Variants in FAM186A observed in about 807,000 individuals in gnomAD.
The protein encoded by FAM186A is protein FAM186A.
Under a neutral mutation model 216.8 loss-of-function variants are expected in FAM186A, and 163 were observed. That is an observed-to-expected ratio of 0.75 (90% confidence interval 0.66 to 0.86). The LOEUF is 0.86. Among genes scored for constraint, FAM186A ranks in the 40% least tolerant of loss-of-function variants. The probability of loss-of-function intolerance (pLI) is 0.00; values close to 1 mark genes in which losing one functional copy is unlikely to be tolerated. For synonymous variants in FAM186A, 805 were observed against 1,025.3 expected (o/e 0.79, Z 4.10); for missense variants, 2,184 against 2,746.2 (o/e 0.80, Z 4.58).
chr12:50,394,591 A>G (rs1943394518), intron 1 of FAM186A, among the ~76,000 whole-genome samples: 1 of 151,570 alleles, frequency 6.6e-6, no homozygotes, highest in African/African-American at 2.4e-5. Context: ...CTATCTACCT[A>G]TCTACCTATA....
In FAM186A at chr12:50,354,600, T is replaced by C; in HGVS notation, c.2232A>G (p.Gln744=). ...TTTGTTTTATAGGTTTCTCTCCAACTTGTTCTTCCTTTTTTGTATCTTTGT... is the reference window on the plus strand; with the variant it reads ...TTTGTTTTATAGGTTTCTCTCCAACCTGTTCTTCCTTTTTTGTATCTTTGT... The part of the protein sequence containing the change: ...RKYKDTKKEE[Q]VGEKPIKQKK... Residue 744 remains glutamine, a synonymous_variant, in exon 4 of 8, where the codon CAA becomes CAG. Transcript: ENST00000327337. 6.5e-7 allele frequency: 1 copy of C among 1,548,482 alleles called. No homozygotes were observed. Among genetic ancestry groups the C allele is most frequent in the Non-Finnish European group, 8.7e-7 (1 of 1,146,308 alleles).
intron 4 of FAM186A, among the ~76,000 whole-genome samples, chr12:50,346,237 A>AAAAGAAAGAAAGAAAGAAAGAAAG (rs1555215380): frequency 4.9e-5 from 5 of 102,174 alleles, no homozygotes; most frequent in Admixed American, 2.5e-4. Flanking sequence ...AAGAAAGAAA[A>AAAAGAAAGAAAGAAAGAAAGAAAG]AAAGAAAGAA....
Position 50,353,662 on chromosome 12 carries a change from G to C in FAM186A, c.3170C>G (p.Ser1057Cys), listed in dbSNP as rs866924370. Residue 1057 changes from serine (S) to cysteine (C), a missense_variant, in exon 4 of 8, where the codon TCC (serine) becomes TGC (cysteine). Physicochemically the swap from Ser to Cys is moderately radical, Grantham distance 112 (BLOSUM62 -1). This residue lies in a region of FAM186A where 1,132 missense variants were observed against 1,263.4 expected (regional missense o/e 0.90). Transcript: ENST00000327337. ...AGAAATAGGAAGAGCTCCAGGCAGG[G>C]AGTATTGTAGGGAGGGGGGAGGTGT... ...SITPPPSLQY[S>C]LPGALPISGQ... is the part of the protein sequence containing the mutation. 1 of 1,537,106 alleles carries C rather than the reference G, an allele frequency of 6.5e-7. No individual in the cohort carries two copies. Among genetic ancestry groups the C allele is most frequent in the East Asian group, 2.4e-5 (1 of 40,884 alleles).
chr12:50,376,571 T>C (rs1458817092), intron 1 of FAM186A, among the ~76,000 whole-genome samples: 1 of 152,048 alleles, frequency 6.6e-6, no homozygotes, highest in Non-Finnish European at 1.5e-5. Context: ...GGGGTTTTTA[T>C]GGGCTCAAAA....
chr12:50,350,871 C>A lies in FAM186A; in HGVS notation c.5961G>T (p.Lys1987Asn), dbSNP rs1404419346. The A allele has an allele frequency of 6.4e-7, 1 of 1,551,558 alleles. No individual in the cohort carries two copies. The highest frequency in any genetic ancestry group is 8.7e-7 in the Non-Finnish European group (1 of 1,146,994). ...KVAQVPFTTK[K>N]FQMSEVSDTS... ...TGTCAGAGACCTCCGACATTTGGAA[C>A]TTCTTAGTGGTGAAAGGAACTTGAG... Residue 1987 changes from lysine (K) to asparagine (N), a missense_variant, in exon 4 of 8, where the codon AAG (lysine) becomes AAT (asparagine). Lys to Asn is a moderately conservative substitution (Grantham distance 94). This residue lies in a region of FAM186A where 721 missense variants were observed against 816.4 expected (regional missense o/e 0.88). Coordinates refer to ENST00000327337, the MANE Select transcript of FAM186A (RefSeq NM_001145475.3).
intron 2 of FAM186A, 35 bp downstream of exon 2, chr12:50,363,110 T>A: frequency 6.8e-7 from 1 of 1,468,294 alleles, no homozygotes; most frequent in Non-Finnish European, 9.1e-7. Flanking sequence ...TCATTAACTT[T>A]ATGGTTTTCC....
At position 50,353,124 on chromosome 12, in the gene FAM186A, G is replaced by T; in HGVS notation, c.3708C>A (p.Ala1236=). The change falls in exon 4 of 8, where the codon GCC becomes GCA. Residue 1236 remains alanine, a synonymous_variant. Coordinates refer to ENST00000327337, the MANE Select transcript of FAM186A (RefSeq NM_001145475.3). ...ALGITLTLQQ[A]QQLGIPLTPQ... is the part of the protein sequence containing the mutation. ...GGGTGAGAGGGATCCCCAATTGCTG[G>T]GCCTGCTGAAGGGTTAGAGTGATCC... The T allele has an allele frequency of 4.1e-6, 6 of 1,479,392 alleles. No homozygotes were observed. The highest frequency in any genetic ancestry group is 5.4e-6 in the Non-Finnish European group (6 of 1,108,564). 91.6% of individuals were successfully genotyped at this position (1,479,392 alleles called of 1,614,324 possible).
Position 50,360,784 on chromosome 12 carries a change from G to T in FAM186A, c.555C>A (p.Asp185Glu), listed in dbSNP as rs540419082. 3.0e-5 allele frequency: 46 copies of T among 1,536,636 alleles called. No individual in the cohort carries two copies. In the African/African-American group the frequency reaches 5.3e-4, roughly 18 times the overall value. The stretch of plus-strand genomic sequence containing the variant: ...TTTTTTTCTTTTGTTTCTTCTTTTC[G>T]TCGAGGAAAGATGTACTAAATCTGC... The part of the protein sequence containing the change: ...ILSRFSTSFL[D>E]EKKKQKKKIL... Residue 185 changes from aspartate (D) to glutamate (E), a missense_variant, in exon 3 of 8, where the codon GAC becomes GAA. This residue lies in a region of FAM186A where 1,132 missense variants were observed against 1,263.4 expected (regional missense o/e 0.90). Coordinates refer to ENST00000327337, the MANE Select transcript of FAM186A (RefSeq NM_001145475.3).
In FAM186A at chr12:50,346,237, A is replaced by AAAGAAAGAAAGCAAGAAAGAAAGAAAG. The variant is rs1383898895; in HGVS notation, c.6503+4091_6503+4092insCTTTCTTTCTTTCTTGCTTTCTTTCTT. ...AGAGAGAAGGAAAGAAAGAAAGAAAAAAAGAAAGAAAGAAAGAAAGAAAGA... is the reference window on the plus strand; with the variant it reads ...AGAGAGAAGGAAAGAAAGAAAGAAAAAAGAAAGAAAGCAAGAAAGAAAGAAAGAAAGAAAGAAAGAAAGAAAGAAAGA... On this transcript the variant is annotated intron_variant, in intron 4 of 7. Coordinates refer to ENST00000327337, the MANE Select transcript of FAM186A (RefSeq NM_001145475.3). Among the ~76,000 whole-genome samples, 687 of 102,254 alleles carry AAAGAAAGAAAGCAAGAAAGAAAGAAAG rather than the reference A, an allele frequency of 6.7e-3. 56 individuals carry two copies. The highest frequency in any genetic ancestry group is 0.01 in the Non-Finnish European group (518 of 50,204). The allele number at this position is 102,254 out of a possible 152,430, so 67.1% of individuals were successfully genotyped here.
chr12:50,376,515 T>C (rs558542892), intron 1 of FAM186A, among the ~76,000 whole-genome samples: 2 of 152,180 alleles, frequency 1.3e-5, no homozygotes, highest in African/African-American at 2.4e-5. Flanking sequence ...ATAGCTTCTG[T>C]CTGCAGGCAG....
Position 50,360,922 on chromosome 12 carries a change from A to G in FAM186A, c.417T>C (p.Asp139=), listed in dbSNP as rs562472752. Residue 139 remains aspartate, a synonymous_variant, in exon 3 of 8, where the codon GAT becomes GAC. Coordinates refer to ENST00000327337, the MANE Select transcript of FAM186A (RefSeq NM_001145475.3). ...NILAWLEEWN[D]VLSEMTLMDV... ...CCATTAGAGTCATCTCAGACAAAAC[A>G]TCATCTTGAAGAGAGTAAAAAAAAA... 2.0e-6 allele frequency: 3 copies of G among 1,537,912 alleles called. No homozygotes were observed. The African/African-American group carries it at 4.1e-5, about 21-fold the overall frequency.
chr12:50,330,760 T>A lies in FAM186A; in HGVS notation c.6849-2A>T. The stretch of plus-strand genomic sequence containing the variant: ...GCCTCTGTCTGGTCCTCTTGTTGCC[T>A]ACAGAATCAGCATAAATTGGGAACG... On this transcript the variant is annotated splice_acceptor_variant, in intron 6 of 7. Coordinates refer to ENST00000327337, the MANE Select transcript of FAM186A (RefSeq NM_001145475.3). LOFTEE classifies it high-confidence loss of function. The A allele has an allele frequency of 6.6e-7, 1 of 1,508,346 alleles. No individual in the cohort carries two copies. The highest frequency in any genetic ancestry group is 1.3e-5 in the South Asian group (1 of 75,498). The allele number at this position is 1,508,346 out of a possible 1,614,324, so 93.4% of individuals were successfully genotyped here. A position where few individuals can be genotyped will look rare whatever the true frequency, so the allele number is the denominator to read the frequency against.
At chr12:50,371,707 G>A (rs1444142998) in intron 1 of FAM186A, among the ~76,000 whole-genome samples, 1 of 152,116 alleles carries the variant, frequency 6.6e-6, no homozygotes, top group Non-Finnish European at 1.5e-5. Flanking sequence ...AAATAGTTCT[G>A]ACTTTGGTTG....
At chr12:50,366,643 AAAAAAC>A (rs371436689) in intron 1 of FAM186A, among the ~76,000 whole-genome samples, 8,333 of 133,368 alleles carry the variant, frequency 0.062, 343 homozygotes, top group Middle Eastern at 0.11. Context: ...AAAAAAAAAA[AAAAAAC>A]GTGATCATCA....
chr12:50,375,047 A>G (rs1389115330), intron 1 of FAM186A, among the ~76,000 whole-genome samples: 1 of 151,986 alleles, frequency 6.6e-6, no homozygotes, highest in East Asian at 1.9e-4. Flanking sequence ...GCGTGGTGGC[A>G]TGTGCCTGTA....
In FAM186A at chr12:50,350,393, C is replaced by T; in HGVS notation, c.6439G>A (p.Asp2147Asn). The T allele has an allele frequency of 1.9e-6, 3 of 1,551,246 alleles. No individual in the cohort carries two copies. The highest frequency in any genetic ancestry group is 2.6e-6 in the Non-Finnish European group (3 of 1,146,898). The change falls in exon 4 of 8, where the codon GAC becomes AAC. Residue 2147 changes from aspartate (D) to asparagine (N), a missense_variant. Physicochemically the swap from Asp to Asn is conservative, Grantham distance 23. Around this residue, in one of 7 missense-constraint regions of FAM186A, gnomAD observed 721 missense variants for 816.4 expected, o/e 0.88. Transcript: ENST00000327337. Reference protein sequence around the residue: ...RTLIIEILHMDTVQLGYLFRK... With the variant: ...RTLIIEILHMNTVQLGYLFRK... ...AATAAGTATCCCAACTGAACTGTGT[C>T]CATATGAAGTATCTCAATTATGAGA... is the stretch of plus-strand genomic sequence containing the variant.
intron 1 of FAM186A, among the ~76,000 whole-genome samples, chr12:50,372,568 C>T (rs1288729588): frequency 2.3e-4 from 34 of 149,148 alleles, no homozygotes; most frequent in African/African-American, 2.7e-4. Context: ...CATGCCAGCC[C>T]GGGCGACAGT....
chr12:50,362,531 G>A (rs1350547987), intron 2 of FAM186A, among the ~76,000 whole-genome samples: 1 of 151,900 alleles, frequency 6.6e-6, no homozygotes, highest in East Asian at 1.9e-4. Flanking sequence ...GATCATTTGA[G>A]GTAGGAGTTC....
At chr12:50,359,950 T>C (rs1309051142) in intron 3 of FAM186A, among the ~76,000 whole-genome samples, 6 of 152,000 alleles carry the variant, frequency 3.9e-5, no homozygotes, top group Non-Finnish European at 7.4e-5. Context: ...TGTTCTAAAA[T>C]TAGATTGTTG....
Sources: gnomAD v4.1 joint callset for allele counts (sites outside exome capture counted in the v4.1 genomes callset) on GRCh38, gnomAD v4.1.1 for gene constraint, gnomAD v4.1.1 regional missense constraint, MANE v1.5 for transcripts, NCBI Gene and HGNC (gene_info 2026-07-23, HGNC 2026-07-21) for gene names.